CEP131: variants seen among roughly 807,000 people sequenced by gnomAD.
The protein encoded by CEP131 is centrosomal protein of 131 kDa.
CEP131 carries 99 observed loss-of-function variants against 136.8 expected under a neutral mutation model. That is an observed-to-expected ratio of 0.72 (90% CI 0.62 to 0.86). CEP131 has a LOEUF of 0.86. CEP131 is among the 40% of genes least tolerant of loss of function. The pLI, the probability that CEP131 is intolerant of heterozygous loss-of-function variation, is 0.00. For synonymous variants in CEP131, 646 were observed against 612.7 expected, an observed-to-expected ratio of 1.05 and a Z score of -0.80; for missense variants, 1,459 against 1,463.0, an observed-to-expected ratio of 1.00 and a Z score of 0.04.
At chr17:81,204,660 G>A (rs1356422846) in intron 5 of CEP131, among the ~76,000 whole-genome samples, 2 of 152,072 alleles carry the variant, frequency 1.3e-5, no homozygotes, top group African/African-American at 4.8e-5. Context: ...GCAGAGAGCA[G>A]AGCAATGCAC....
At chr17:81,212,738 A>G (rs961081111) in intron 2 of CEP131, among the ~76,000 whole-genome samples, 1 of 152,130 alleles carries the variant, frequency 6.6e-6, no homozygotes, top group African/African-American at 2.4e-5. Context: ...CCGCATCCTC[A>G]CTGCAGGAGG....
intron 17 of CEP131, among the ~76,000 whole-genome samples, chr17:81,194,468 A>C (rs2279913): frequency 0.49 from 73,869 of 152,030 alleles, 19,032 homozygotes; most frequent in African/African-American, 0.62. Context: ...CCTTCAGACC[A>C]CAACACCCAC....
intron 13 of CEP131, chr17:81,197,368 C>G (rs2146543036): frequency 2.0e-6 from 1 of 496,316 alleles, no homozygotes; most frequent in African/African-American, 2.6e-5. Context: ...AGTGTTCACC[C>G]AGGACAAACC....
intron 2 of CEP131, among the ~76,000 whole-genome samples, chr17:81,210,532 G>A (rs1212751269): frequency 3.3e-5 from 5 of 152,028 alleles, no homozygotes; most frequent in South Asian, 4.1e-4. Context: ...ATTGGGCCAC[G>A]GCACTCCAGC....
intron 19 of CEP131, 36 bp from the exon 20 acceptor site, chr17:81,192,629 T>C (rs199513207): frequency 7.8e-6 from 12 of 1,530,774 alleles, no homozygotes; most frequent in African/African-American, 4.4e-5. Context: ...TGAGGGGTCA[T>C]CGAGTAAGGA....
At position 81,198,189 on chromosome 17, in the gene CEP131, G is replaced by A. The variant is rs1375684673; in HGVS notation, c.1396C>T (p.Leu466=). 1.9e-5 allele frequency: 30 copies of A among 1,586,854 alleles called. No homozygotes were observed. The highest frequency in any genetic ancestry group is 2.6e-5 in the Non-Finnish European group (30 of 1,166,556). Reference sequence around the variant, plus strand: ...AGCACGTCCGGCTCCTTCTCCAGCAGCTGCAGTGTGTGCAGCAGCTCCTCC... The same window carrying A: ...AGCACGTCCGGCTCCTTCTCCAGCAACTGCAGTGTGTGCAGCAGCTCCTCC... ...PLEELLHTLQ[L]LEKEPDVLPR... is the part of the protein sequence containing the mutation. The change falls in exon 12 of 26, where the codon CTG becomes TTG. Residue 466 remains leucine (L), a synonymous_variant. Transcript: ENST00000450824.
chr17:81,211,095 T>C (rs1251979644), intron 2 of CEP131, among the ~76,000 whole-genome samples: 1 of 152,180 alleles, frequency 6.6e-6, no homozygotes, highest in African/African-American at 2.4e-5. Flanking sequence ...GGCTTGGTCA[T>C]ACCTTCCAGA....
intron 6 of CEP131, 151 bp from the exon 7 acceptor site, chr17:81,202,549 G>A (rs920696032): frequency 6.0e-5 from 52 of 864,074 alleles, no homozygotes; most frequent in Non-Finnish European, 7.7e-5. Flanking sequence ...ACAGCGGCAG[G>A]TGCGAGGCCG....
chr17:81,212,712 A>G (rs2062160896), intron 2 of CEP131, among the ~76,000 whole-genome samples: 1 of 151,632 alleles, frequency 6.6e-6, no homozygotes, highest in South Asian at 2.1e-4. Context: ...TAAACCAGGG[A>G]CAGCAGACGA....
chr17:81,198,982 G>GA lies in CEP131; in HGVS notation c.1193-12dup. The stretch of plus-strand genomic sequence containing the variant: ...CAGGGAGGCCACCACCTGCACAGCA[G>GA]AACACAGCACCATTCCACAGGGAGC... On this transcript the variant is annotated splice_polypyrimidine_tract_variant and intron_variant, in intron 10 of 25. Coordinates refer to ENST00000450824, the MANE Select transcript of CEP131 (RefSeq NM_014984.4). The GA allele has an allele frequency of 7.1e-6, 11 of 1,541,020 alleles. No homozygotes were observed. The highest frequency in any genetic ancestry group is 8.7e-6 in the Non-Finnish European group (10 of 1,147,144).
chr17:81,194,145 G>A lies in CEP131; in HGVS notation c.2120-18C>T. 2 of 1,500,128 alleles carry A rather than the reference G, an allele frequency of 1.3e-6. No individual in the cohort carries two copies. Among genetic ancestry groups the A allele is most frequent in the Non-Finnish European group, 1.8e-6 (2 of 1,125,202 alleles). The allele number at this position is 1,500,128 out of a possible 1,614,324, so 92.9% of individuals were successfully genotyped here. The stretch of plus-strand genomic sequence containing the variant: ...CTCCAGACCTGGGGGCGGGGCACCA[G>A]CTAGGGCCACGTCCAGCTAGGGTGG... On this transcript the variant is annotated intron_variant, in intron 17 of 25. Coordinates refer to ENST00000450824, the MANE Select transcript of CEP131 (RefSeq NM_014984.4).
Position 81,195,901 on chromosome 17 carries a change from G to A in CEP131, c.1950C>T (p.Ala650=), listed in dbSNP as rs760024663. 16 of 1,609,770 alleles carry A rather than the reference G, an allele frequency of 9.9e-6. 1 individual carries two copies. Among genetic ancestry groups the A allele is most frequent in the South Asian group, 3.3e-5 (3 of 91,088 alleles). The change falls in exon 16 of 26, where the codon GCC becomes GCT. Residue 650 remains alanine, a synonymous_variant. Transcript: ENST00000450824. ...VLSEKCEAVV[A]ELKQEDQRCT... ...ATCTCTGGTCCTCCTGCTTCAGCTC[G>A]GCCACCACAGCCTCGCACTTTTCAC...
chr17:81,206,300 C>T (rs962227337), intron 5 of CEP131, among the ~76,000 whole-genome samples: 1 of 152,194 alleles, frequency 6.6e-6, no homozygotes, highest in Non-Finnish European at 1.5e-5. Flanking sequence ...TTGGCAAAGG[C>T]TCTAAATGCC....
Position 81,198,104 on chromosome 17 carries a change from A to G in CEP131, c.1470+11T>C, listed in dbSNP as rs775947710. ...GACAGACTGTGCAGGGCGGGCGCAC[A>G]CCGTGGTCACCTCGCTGGCCCAGGC... On this transcript the variant is annotated intron_variant, in intron 12 of 25. Transcript: ENST00000450824. 1.9e-6 allele frequency: 3 copies of G among 1,551,444 alleles called. No individual in the cohort carries two copies. Among genetic ancestry groups the G allele is most frequent in the Admixed American group, 1.9e-5 (1 of 52,868 alleles).
At chr17:81,205,856 G>C (rs1184181279) in intron 5 of CEP131, among the ~76,000 whole-genome samples, 1 of 152,084 alleles carries the variant, frequency 6.6e-6, no homozygotes, top group Non-Finnish European at 1.5e-5. Context: ...CTATGATCGT[G>C]GACTCCAGTC....
intron 16 of CEP131, 120 bp from the exon 17 acceptor site, chr17:81,195,092 T>G: frequency 1.4e-6 from 1 of 736,650 alleles, no homozygotes; most frequent in Non-Finnish European, 2.3e-6. Context: ...GCACTCATGG[T>G]TGGGTGTGCT....
In CEP131 at chr17:81,206,774, G is replaced by A. The variant is rs1327269826; in HGVS notation, c.485C>T (p.Ala162Val). 2.5e-6 allele frequency: 4 copies of A among 1,614,054 alleles called. No homozygotes were observed. The highest frequency in any genetic ancestry group is 3.4e-6 in the Non-Finnish European group (4 of 1,179,968). The change falls in exon 5 of 26, where the codon GCC (alanine) becomes GTC (valine). Residue 162 changes from alanine (A) to valine (V), a missense_variant. Ala to Val is a moderately conservative substitution (Grantham distance 64, BLOSUM62 0). Around this residue, in one of 3 missense-constraint regions of CEP131, gnomAD observed 246 missense variants for 318.9 expected, o/e 0.77. Coordinates refer to ENST00000450824, the MANE Select transcript of CEP131 (RefSeq NM_014984.4). Reference protein sequence around the residue: ...AGPRRKECTVALAPNFTANNR... With the variant: ...AGPRRKECTVVLAPNFTANNR... ...GTTAGCAGTGAAGTTGGGGGCCAGGGCCACGGTGCATTCTTTCCTCCGCGG... is the reference window on the plus strand; with the variant it reads ...GTTAGCAGTGAAGTTGGGGGCCAGGACCACGGTGCATTCTTTCCTCCGCGG...
Position 81,189,915 on chromosome 17 carries a change from C to G in CEP131, c.3168G>C (p.Glu1056Asp). The change falls in exon 25 of 26, where the codon GAG (glutamate) becomes GAC (aspartate). Residue 1056 changes from glutamate (E) to aspartate (D), a missense_variant and splice_region_variant. Physicochemically the swap from Glu to Asp is conservative, Grantham distance 45 (BLOSUM62 2). Coordinates refer to ENST00000450824, the MANE Select transcript of CEP131 (RefSeq NM_014984.4). ...EAVSSLRTQHEAAVKRADHLE... is the reference protein window; with the variant it reads ...EAVSSLRTQHDAAVKRADHLE... ...AGCAGGGCTGGCCACAGGGACTCAC[C>G]TCATGTTGTGTCCGGAGGCTGCTCA... 6.2e-7 allele frequency: 1 copy of G among 1,612,914 alleles called. No individual in the cohort carries two copies. Among genetic ancestry groups the G allele is most frequent in the Non-Finnish European group, 8.5e-7 (1 of 1,179,686 alleles).
rs779268664 is a variant in CEP131 at position 81,220,013 on chromosome 17, G to A, written c.44C>T (p.Pro15Leu). 6.2e-7 allele frequency: 1 copy of A among 1,608,792 alleles called. No homozygotes were observed. The highest frequency in any genetic ancestry group is 1.1e-5 in the South Asian group (1 of 90,508). ...TGTCAGACTCAGGTCCACACCTGCT[G>A]GGCTGCGCTCCGGGACGCTGCCGAT... is the stretch of plus-strand genomic sequence containing the variant. ...RAIGSVPERS[P>L]AGVDLSLTGL... Residue 15 changes from proline (P) to leucine (L), a missense_variant, in exon 2 of 26, where the codon CCA becomes CTA. Physicochemically the swap from Pro to Leu is moderately conservative, Grantham distance 98. This residue lies in a region of CEP131 where 187 missense variants were observed against 179.9 expected (regional missense o/e 1.04). Coordinates refer to ENST00000450824, the MANE Select transcript of CEP131 (RefSeq NM_014984.4).
Sources: gnomAD v4.1 joint callset for allele counts (sites outside exome capture counted in the v4.1 genomes callset) on GRCh38, gnomAD v4.1.1 for gene constraint, gnomAD v4.1.1 regional missense constraint, MANE v1.5 for transcripts, NCBI Gene and HGNC (gene_info 2026-07-23, HGNC 2026-07-21) for gene names.